Variants in TRPM6 observed in about 807,000 individuals in gnomAD.
TRPM6 encodes the protein transient receptor potential cation channel subfamily M member 6.
Under a neutral mutation model 247.6 loss-of-function variants are expected in TRPM6, and 111 were observed. The ratio of observed to expected loss-of-function variants is 0.45; its 90% CI spans 0.38 to 0.52. The LOEUF is 0.52. Ranked by LOEUF, TRPM6 falls within the 20% of genes least tolerant of loss-of-function variation. The pLI is 0.00. For missense variants in TRPM6, 2,126 were observed against 2,421.5 expected, an observed-to-expected ratio of 0.88 and a Z score of 2.56; for synonymous variants, 892 against 853.8, an observed-to-expected ratio of 1.04 and a Z score of -0.78.
chr9:74,887,166 A>C, intron 1 of TRPM6: 1 of 1,039,704 alleles, frequency 9.6e-7, no homozygotes. Flanking sequence ...GGGACTCCTG[A>C]GGTTGCAAGT....
chr9:74,863,598 T>C (rs960945450), intron 1 of TRPM6, among the ~76,000 whole-genome samples: 4 of 152,152 alleles, frequency 2.6e-5, no homozygotes, highest in African/African-American at 4.8e-5. Context: ...GACTTTTTTT[T>C]TGAGACGGAG....
In TRPM6 at chr9:74,834,082, G is replaced by A. The variant is rs267602272; in HGVS notation, c.585C>T (p.Ser195=). Residue 195 remains serine (S), a synonymous_variant, in exon 6 of 39, where the codon TCC becomes TCT. Transcript: ENST00000360774. ...KHVGDALKSH[S]SHSLRKIWTV... is the part of the protein sequence containing the mutation. ...TCCAGATTTTTCTCAAGGAATGAGA[G>A]GAATGGGATTTCAAGGCATCCCCAA... 1.2e-6 allele frequency: 2 copies of A among 1,614,094 alleles called. No individual in the cohort carries two copies. The highest frequency in any genetic ancestry group is 2.2e-5 in the South Asian group (2 of 91,082).
intron 30 of TRPM6, among the ~76,000 whole-genome samples, chr9:74,749,902 C>A (rs1404889775): frequency 5.9e-5 from 9 of 152,174 alleles, no homozygotes; most frequent in Admixed American, 5.2e-4. Flanking sequence ...CTGAAAGTCA[C>A]CTTCTACCTG....
At chr9:74,812,460 A>G (rs771380620) in intron 11 of TRPM6, 27 bp from the exon 12 acceptor site, 1 of 1,603,812 alleles carries the variant, frequency 6.2e-7, no homozygotes, top group East Asian at 2.2e-5. Flanking sequence ...TAAGAAATAT[A>G]AAGACAATTA....
rs746809632 is a variant in TRPM6 at position 74,816,912 on chromosome 9, A to C, written c.1187T>G (p.Ile396Ser). Residue 396 changes from isoleucine to serine, a missense_variant, in exon 10 of 39, where the codon ATC (isoleucine) becomes AGC (serine). Physicochemically the swap from Ile to Ser is moderately radical, Grantham distance 142. Around this residue, in one of 3 missense-constraint regions of TRPM6, gnomAD observed 1,082 missense variants for 1,307.9 expected, o/e 0.83. Coordinates refer to ENST00000360774, the MANE Select transcript of TRPM6 (RefSeq NM_017662.5). ...CTCACCCTTCAGCAAAGCTGTTAGG[A>C]TTGCTAAGTCCAGGTCTTGCTGCTC... is the stretch of plus-strand genomic sequence containing the variant. The part of the protein sequence containing the change: ...SEEQQDLDLA[I>S]LTALLKGTNL... 1 of 1,614,150 alleles carries C rather than the reference A, an allele frequency of 6.2e-7. No homozygotes were observed. Among genetic ancestry groups the C allele is most frequent in the Non-Finnish European group, 8.5e-7 (1 of 1,179,992 alleles).
At chr9:74,794,366 G>C (rs1828016178) in intron 18 of TRPM6, among the ~76,000 whole-genome samples, 1 of 151,970 alleles carries the variant, frequency 6.6e-6, no homozygotes, top group South Asian at 2.1e-4. Context: ...AGAAAAATGT[G>C]ACTTTTAAGG....
chr9:74,830,477 C>T (rs1238287335), intron 6 of TRPM6, among the ~76,000 whole-genome samples: 1 of 152,152 alleles, frequency 6.6e-6, no homozygotes, highest in Non-Finnish European at 1.5e-5. Context: ...ATCACTGCAA[C>T]CTCTGCCTCC....
At position 74,747,876 on chromosome 9, in the gene TRPM6, CA is replaced by C. The variant is rs1313753069; in HGVS notation, c.5083+12del. The stretch of plus-strand genomic sequence containing the variant: ...AAAAATAAAAAATAAAATGTTTAAA[CA>C]GAAAAACTTACTGTCAACTCCAATT... On this transcript the variant is annotated intron_variant, in intron 31 of 38. Transcript: ENST00000360774. 1 of 1,598,686 alleles carries C rather than the reference CA, an allele frequency of 6.3e-7. No individual in the cohort carries two copies. The highest frequency in any genetic ancestry group is 8.5e-7 in the Non-Finnish European group (1 of 1,169,956).
chr9:74,860,368 G>A (rs563303209), intron 1 of TRPM6, among the ~76,000 whole-genome samples: 6 of 150,778 alleles, frequency 4.0e-5, no homozygotes, highest in South Asian at 4.2e-4. Context: ...TTTTTGAGAC[G>A]GAGTCTTGCT....
At chr9:74,782,318 C>A in intron 23 of TRPM6, 44 bp downstream of exon 23, 1 of 1,441,992 alleles carries the variant, frequency 6.9e-7, no homozygotes, top group Non-Finnish European at 9.7e-7. Flanking sequence ...CATATCTGCC[C>A]ACATTTCTTA....
chr9:74,790,817 A>G (rs1364363114), intron 19 of TRPM6, among the ~76,000 whole-genome samples: 1 of 152,250 alleles, frequency 6.6e-6, no homozygotes, highest in Non-Finnish European at 1.5e-5. Context: ...AGATTGAGAA[A>G]GCAGCACAAT....
chr9:74,772,503 T>C (rs1827082311), intron 24 of TRPM6, among the ~76,000 whole-genome samples: 1 of 152,228 alleles, frequency 6.6e-6, no homozygotes, highest in South Asian at 2.1e-4. Context: ...TTGATTCATA[T>C]TAGATGTACC....
chr9:74,812,161 T>A, intron 12 of TRPM6, 138 bp downstream of exon 12: 2 of 1,110,868 alleles, frequency 1.8e-6, no homozygotes, highest in Admixed American at 3.9e-5. Context: ...TGGAACTAGA[T>A]CCAGCTTCAG....
At chr9:74,808,642 C>T (rs916406278) in intron 13 of TRPM6, among the ~76,000 whole-genome samples, 2 of 152,216 alleles carry the variant, frequency 1.3e-5, no homozygotes, top group African/African-American at 4.8e-5. Context: ...TTAAAGTCTA[C>T]ACTGAATGTG....
chr9:74,841,434 A>G (rs1021140159), intron 4 of TRPM6, among the ~76,000 whole-genome samples: 7 of 152,264 alleles, frequency 4.6e-5, no homozygotes, highest in Admixed American at 2.0e-4. Flanking sequence ...ATACATGCAA[A>G]TAGGAATTAA....
chr9:74,827,676 T>C, intron 7 of TRPM6, 102 bp downstream of exon 7: 2 of 1,261,264 alleles, frequency 1.6e-6, no homozygotes, highest in Non-Finnish European at 2.3e-6. Flanking sequence ...GGAGGCTAGC[T>C]TGAGGGGACT....
rs571494643 is a variant in TRPM6, at chr9:74,869,297, C to T, written c.34-10549G>A. Among the ~76,000 whole-genome samples the T allele has an allele frequency of 5.3e-5, 8 of 151,762 alleles. No individual in the cohort carries two copies. The South Asian group carries it at 6.3e-4, about 12-fold the overall frequency. On this transcript the variant is annotated intron_variant, in intron 1 of 38. Transcript: ENST00000360774. ...CATCCTGACTAACATGGTGAAACCC[C>T]GTCACTACTAAAAATACAAAAAATT...
At chr9:74,751,085 T>C (rs1048915575) in intron 29 of TRPM6, among the ~76,000 whole-genome samples, 10 of 151,878 alleles carry the variant, frequency 6.6e-5, no homozygotes, top group Middle Eastern at 6.3e-3. Flanking sequence ...TGGAGAAAAA[T>C]GAAAGTACAA....
At chr9:74,783,055 G>T (rs553452951) in intron 21 of TRPM6, among the ~76,000 whole-genome samples, 52 of 152,304 alleles carry the variant, frequency 3.4e-4, no homozygotes, top group African/African-American at 1.2e-3. Context: ...AGTCAACTTG[G>T]TCTATGGAAT....
Sources: gnomAD v4.1 joint callset for allele counts (sites outside exome capture counted in the v4.1 genomes callset) on GRCh38, gnomAD v4.1.1 for gene constraint, gnomAD v4.1.1 regional missense constraint, MANE v1.5 for transcripts, NCBI Gene and HGNC (gene_info 2026-07-23, HGNC 2026-07-21) for gene names.